The following TPP2 variants were observed in gnomAD, a reference collection of about 807,000 sequenced individuals.
TPP2 encodes the protein tripeptidyl peptidase 2.
TPP2 carries 34 observed loss-of-function variants against 155.9 expected under a neutral mutation model. The ratio of observed to expected loss-of-function variants is 0.22; its 90% CI spans 0.17 to 0.29. The LOEUF (loss-of-function observed/expected upper bound fraction) is 0.29. Ranked by LOEUF, TPP2 falls within the 10% of genes least tolerant of loss-of-function variation. The probability of loss-of-function intolerance (pLI) is 1.00; values close to 1 mark genes in which losing one functional copy is unlikely to be tolerated. For missense variants in TPP2, 1,028 were observed against 1,522.3 expected, an observed-to-expected ratio of 0.68 and a Z score of 5.40; for synonymous variants, 510 against 529.4, an observed-to-expected ratio of 0.96 and a Z score of 0.50.
chr13:102,611,254 G>A (rs971768202), intron 2 of TPP2, among the ~76,000 whole-genome samples: 2 of 152,218 alleles, frequency 1.3e-5, no homozygotes, highest in Admixed American at 6.5e-5. Context: ...TCCAGAATGT[G>A]TGCATAGGAG....
At chr13:102,624,247 G>A (rs755299722) in intron 6 of TPP2, among the ~76,000 whole-genome samples, 1 of 152,164 alleles carries the variant, frequency 6.6e-6, no homozygotes, top group Non-Finnish European at 1.5e-5. Flanking sequence ...CTCCAGGATG[G>A]TGGCTACTTC....
At chr13:102,673,869 A>G (rs1252777794) in intron 27 of TPP2, among the ~76,000 whole-genome samples, 3 of 152,274 alleles carry the variant, frequency 2.0e-5, no homozygotes, top group Non-Finnish European at 4.4e-5. Context: ...TGTCCTAGTC[A>G]TGAACTGAAA....
chr13:102,645,011 T>TATCATTCA lies in TPP2; in HGVS notation c.2393+5_2393+12dup, dbSNP rs747769782. The TATCATTCA allele has an allele frequency of 2.0e-5, 32 of 1,612,992 alleles. No homozygotes were observed. The highest frequency in any genetic ancestry group is 2.7e-5 in the Non-Finnish European group (32 of 1,179,246). On this transcript the variant is annotated splice_region_variant and intron_variant, in intron 19 of 29. Transcript: ENST00000376052. ...GAAGAACTGGGTCCAAACACTGCGG[T>TATCATTCA]ATCATTCAATGTTTTAGGAACTACA...
chr13:102,631,838 A>G (rs1882037889), intron 10 of TPP2, among the ~76,000 whole-genome samples: 1 of 152,282 alleles, frequency 6.6e-6, no homozygotes, highest in African/African-American at 2.4e-5. Context: ...GTCACTGAAC[A>G]GAGCATGTTC....
At chr13:102,646,771 T>C (rs1463700100) in intron 20 of TPP2, among the ~76,000 whole-genome samples, 1 of 152,138 alleles carries the variant, frequency 6.6e-6, no homozygotes, top group African/African-American at 2.4e-5. Context: ...TCAGAGTAGC[T>C]CCCAGGTGGG....
chr13:102,599,528 C>T (rs766565862), intron 1 of TPP2, among the ~76,000 whole-genome samples: 10 of 151,964 alleles, frequency 6.6e-5, no homozygotes, highest in Non-Finnish European at 1.3e-4. Context: ...TTTGGAAAGC[C>T]GGGTGGGGTC....
intron 25 of TPP2, among the ~76,000 whole-genome samples, chr13:102,660,338 C>G (rs1383579335): frequency 1.3e-5 from 2 of 151,206 alleles, no homozygotes; most frequent in African/African-American, 2.4e-5. Context: ...AATCGAAGAC[C>G]TAAGTCCAAA....
chr13:102,617,241 T>A (rs1880816995), intron 4 of TPP2, among the ~76,000 whole-genome samples: 1 of 152,128 alleles, frequency 6.6e-6, no homozygotes, highest in African/African-American at 2.4e-5. Flanking sequence ...TATGTATTAT[T>A]GTCACTTTTA....
chr13:102,615,501 A>C (rs555928675), intron 3 of TPP2, among the ~76,000 whole-genome samples: 2 of 152,202 alleles, frequency 1.3e-5, no homozygotes, highest in East Asian at 3.9e-4. Context: ...GATGTGATTT[A>C]ATATGCAAAT....
At position 102,669,744 on chromosome 13, in the gene TPP2, C is replaced by G. The variant is rs187154185; in HGVS notation, c.3372-4539C>G. On this transcript the variant is annotated intron_variant, in intron 27 of 29. Transcript: ENST00000376052. The stretch of plus-strand genomic sequence containing the variant: ...TCCAATTTTGGTGGAAACATTGATG[C>G]GAATGGGTGGCTTGGTCAAGCAGTG... 3.2e-3 allele frequency among the ~76,000 whole-genome samples: 472 copies of G among 149,040 alleles called. 7 individuals are homozygous for G. The highest frequency in any genetic ancestry group is 1.4e-3 in the Non-Finnish European group (96 of 67,804).
intron 24 of TPP2, 122 bp downstream of exon 24, chr13:102,651,519 C>A: frequency 2.9e-6 from 3 of 1,024,410 alleles, no homozygotes; most frequent in South Asian, 1.7e-5. Flanking sequence ...TCTTTGCATT[C>A]TAAAGTATAG....
intron 10 of TPP2, 53 bp downstream of exon 10, chr13:102,630,248 CTG>C (rs1382883304): frequency 7.2e-7 from 1 of 1,396,368 alleles, no homozygotes; most frequent in Non-Finnish European, 1.0e-6. Flanking sequence ...AAACTTTACA[CTG>C]TTGAGAAGGG....
At chr13:102,607,269 A>G (rs938626315) in intron 2 of TPP2, among the ~76,000 whole-genome samples, 9 of 152,222 alleles carry the variant, frequency 5.9e-5, no homozygotes, top group South Asian at 2.1e-4. Flanking sequence ...AGATTTTGGA[A>G]TATTTGCATT....
intron 25 of TPP2, among the ~76,000 whole-genome samples, chr13:102,662,926 A>AT (rs1277348219): frequency 1.3e-5 from 2 of 151,954 alleles, no homozygotes; most frequent in Admixed American, 6.6e-5. Context: ...TTAAATTTTT[A>AT]TTTTTTCTAG....
chr13:102,664,498 TA>T (rs573614137), intron 26 of TPP2, among the ~76,000 whole-genome samples: 27 of 149,340 alleles, frequency 1.8e-4, no homozygotes, highest in South Asian at 4.2e-4. Context: ...TTACCTTTGT[TA>T]AAAAAAAAAC....
At chr13:102,651,448 T>C in intron 24 of TPP2, 51 bp downstream of exon 24, 1 of 1,541,386 alleles carries the variant, frequency 6.5e-7, no homozygotes, top group Admixed American at 2.0e-5. Context: ...TATTTGCATA[T>C]TAAACTTTTT....
chr13:102,673,541 G>C (rs1030925207), intron 27 of TPP2, among the ~76,000 whole-genome samples: 5 of 152,172 alleles, frequency 3.3e-5, no homozygotes, highest in African/African-American at 1.2e-4. Flanking sequence ...TTTCCATTCT[G>C]TGCCGGGCAT....
At chr13:102,633,583 C>G (rs1029410236) in intron 10 of TPP2, among the ~76,000 whole-genome samples, 1 of 151,940 alleles carries the variant, frequency 6.6e-6, no homozygotes, top group African/African-American at 2.4e-5. Context: ...AGACCTTAAA[C>G]AGAAGGAAAG....
chr13:102,656,454 A>G (rs1883863380), intron 24 of TPP2, among the ~76,000 whole-genome samples: 2 of 152,268 alleles, frequency 1.3e-5, no homozygotes, highest in Admixed American at 1.3e-4. Context: ...TTACCTCTTC[A>G]GAGTGGCTTT....
Sources: gnomAD v4.1 joint callset for allele counts (sites outside exome capture counted in the v4.1 genomes callset) on GRCh38, gnomAD v4.1.1 for gene constraint, MANE v1.5 for transcripts, NCBI Gene and HGNC (gene_info 2026-07-23, HGNC 2026-07-21) for gene names.